TNFRSF1B: variants seen among roughly 807,000 people sequenced by gnomAD.
TNFRSF1B encodes tumor necrosis factor receptor superfamily member 1B.
In TNFRSF1B, 19 loss-of-function variants were observed where a neutral mutation model predicts 44.6. That is an observed-to-expected ratio of 0.43 (90% CI 0.30 to 0.62). The LOEUF is 0.62. Ranked by LOEUF, TNFRSF1B falls within the 20% of genes least tolerant of loss-of-function variation. TNFRSF1B has a pLI of 0.16. For missense variants in TNFRSF1B, 541 were observed against 619.9 expected (o/e 0.87, Z 1.35); for synonymous variants, 252 against 261.1 (o/e 0.97, Z 0.34).
rs771029074 is a variant in TNFRSF1B at position 12,194,575 on chromosome 1, T to G, written c.866-9T>G. Reference sequence around the variant, plus strand: ...TCAATCTCTTACTTGTCCCCTCTCCTCTTTATAGAGAAGCCCTTGTGCCTG... The same window carrying G: ...TCAATCTCTTACTTGTCCCCTCTCCGCTTTATAGAGAAGCCCTTGTGCCTG... On this transcript the variant is annotated splice_polypyrimidine_tract_variant and intron_variant, in intron 7 of 9. Transcript: ENST00000376259. The G allele has an allele frequency of 3.7e-6, 6 of 1,614,134 alleles. No homozygotes were observed. The highest frequency in any genetic ancestry group is 5.1e-6 in the Non-Finnish European group (6 of 1,179,984).
In TNFRSF1B at chr1:12,190,984, A is replaced by T. The variant is rs1639104575; in HGVS notation, c.206A>T (p.Lys69Met). 1 of 1,614,038 alleles carries T rather than the reference A, an allele frequency of 6.2e-7. No individual in the cohort carries two copies. Residue 69 changes from lysine (K) to methionine (M), a missense_variant, in exon 3 of 10, where the codon AAG becomes ATG. Physicochemically the swap from Lys to Met is moderately conservative, Grantham distance 95. Transcript: ENST00000376259. ...PGQHAKVFCTKTSDTVCDSCE... is the reference protein window; with the variant it reads ...PGQHAKVFCTMTSDTVCDSCE... ...CAACATGCAAAAGTCTTCTGTACCAAGACCTCGGACACCGTGTGTGACTCC... is the reference window on the plus strand; with the variant it reads ...CAACATGCAAAAGTCTTCTGTACCATGACCTCGGACACCGTGTGTGACTCC...
At chr1:12,181,373 G>A (rs1207902931) in intron 1 of TNFRSF1B, among the ~76,000 whole-genome samples, 1 of 152,132 alleles carries the variant, frequency 6.6e-6, no homozygotes, top group Non-Finnish European at 1.5e-5. Flanking sequence ...GCCCCCAGGA[G>A]TCTGGGAGAA....
rs113097991 is a variant in TNFRSF1B at position 12,177,794 on chromosome 1, CAA to C, written c.78+10640_78+10641del. Reference sequence around the variant, plus strand: ...GGGTGACAGGGTGAGATTCTGTCTCCAAAAAAAAAAAAAAAAGAAGAGCTGAC... The same window carrying C: ...GGGTGACAGGGTGAGATTCTGTCTCCAAAAAAAAAAAAAAGAAGAGCTGAC... On this transcript the variant is annotated intron_variant, in intron 1 of 9. Transcript: ENST00000376259. This position sits in a 1 kb window ranked among gnomAD's most constrained non-coding sequence, Gnocchi z 4.3. Among the ~76,000 whole-genome samples, 145 of 111,240 alleles carry C rather than the reference CAA, an allele frequency of 1.3e-3. No individual in the cohort carries two copies. Among genetic ancestry groups the C allele is most frequent in the Middle Eastern group, 4.3e-3 (1 of 234 alleles). 73.0% of individuals were successfully genotyped at this position (111,240 alleles called of 152,430 possible).
At chr1:12,200,055 C>T (rs1286254361) in intron 8 of TNFRSF1B, among the ~76,000 whole-genome samples, 3 of 152,254 alleles carry the variant, frequency 2.0e-5, no homozygotes, top group South Asian at 4.1e-4. Context: ...AGAGTTGAAA[C>T]CCCAGACACC....
intron 8 of TNFRSF1B, among the ~76,000 whole-genome samples, chr1:12,197,341 A>C (rs924518137): frequency 6.6e-6 from 1 of 151,940 alleles, no homozygotes; most frequent in African/African-American, 2.4e-5. Context: ...GCAGAAAAAA[A>C]CCCCCAAACC....
intron 4 of TNFRSF1B, 39 bp downstream of exon 4, chr1:12,191,962 G>A (rs761738546): frequency 1.3e-6 from 2 of 1,592,500 alleles, no homozygotes; most frequent in Non-Finnish European, 1.7e-6. Context: ...ACGCCCATGG[G>A]CCTCTCCTTT....
Position 12,208,441 on chromosome 1 carries a change from C to T in TNFRSF1B, c.*1421C>T, listed in dbSNP as rs1459896686. 7 of 152,882 alleles carry T rather than the reference C, an allele frequency of 4.6e-5. No homozygotes were observed. Among genetic ancestry groups the T allele is most frequent in the East Asian group, 1.9e-4 (1 of 5,190 alleles). The allele number at this position is 152,882 out of a possible 1,614,324, so 9.5% of individuals were successfully genotyped here. ...TTGTGTCTGCGTCTGTGTTGCGTGT[C>T]GTGGGTGTGTGTAGCCAAGGTCGGT... On this transcript the variant is annotated 3_prime_UTR_variant, in exon 10 of 10. Transcript: ENST00000376259.
chr1:12,192,278 G>C (rs956113871), intron 4 of TNFRSF1B, 153 bp from the exon 5 acceptor site: 20 of 187,594 alleles, frequency 1.1e-4, no homozygotes, highest in Admixed American at 2.1e-4. Flanking sequence ...ACAGGCATCT[G>C]TGTGTGTGTG....
chr1:12,174,808 C>A (rs541049306), intron 1 of TNFRSF1B, among the ~76,000 whole-genome samples: 50 of 152,354 alleles, frequency 3.3e-4, no homozygotes, highest in African/African-American at 1.1e-3. Flanking sequence ...TCGAGGGCTG[C>A]AGGCTGAATC....
At chr1:12,174,958 C>T (rs1638618393) in intron 1 of TNFRSF1B, among the ~76,000 whole-genome samples, 1 of 152,220 alleles carries the variant, frequency 6.6e-6, no homozygotes, top group Non-Finnish European at 1.5e-5. Context: ...GTTTGTTTTC[C>T]TTTGCTGTCC....
In TNFRSF1B at chr1:12,194,631, A is replaced by C. The variant is rs764162463; in HGVS notation, c.900+13A>C. ...AGAAGCCAAGGTGGTGAGTGTCTCCACTGCCCTCTCCCCCTCTTCCCCTGG... is the reference window on the plus strand; with the variant it reads ...AGAAGCCAAGGTGGTGAGTGTCTCCCCTGCCCTCTCCCCCTCTTCCCCTGG... On this transcript the variant is annotated intron_variant, in intron 8 of 9. Transcript: ENST00000376259. The C allele has an allele frequency of 3.1e-6, 5 of 1,613,936 alleles. No homozygotes were observed. The African/African-American group carries it at 6.7e-5, about 22-fold the overall frequency.
rs1257279687 is a variant in TNFRSF1B at position 12,168,082 on chromosome 1, G to T, written c.78+913G>T. ...CATTTTTTAGAGAAGGAAAACTGAG[G>T]CTCAGAGAACTTGTATTTCATGGAA... On this transcript the variant is annotated intron_variant, in intron 1 of 9. Transcript: ENST00000376259. The surrounding 1 kb of genome is among the most constrained non-coding windows in gnomAD (Gnocchi z 4.7). 2.0e-5 allele frequency among the ~76,000 whole-genome samples: 3 copies of T among 152,222 alleles called. No homozygotes were observed. The highest frequency in any genetic ancestry group is 2.0e-4 in the Admixed American group (3 of 15,282).
intron 1 of TNFRSF1B, among the ~76,000 whole-genome samples, chr1:12,184,403 C>T (rs1402996100): frequency 3.3e-5 from 5 of 152,024 alleles, no homozygotes; most frequent in Non-Finnish European, 7.4e-5. Flanking sequence ...TCAAGGGAGC[C>T]GACCCCCTCT....
chr1:12,193,401 C>T (rs997743704), intron 6 of TNFRSF1B, among the ~76,000 whole-genome samples: 6 of 152,202 alleles, frequency 3.9e-5, no homozygotes, highest in African/African-American at 1.4e-4. Flanking sequence ...CACAGCGAGA[C>T]TCCATCTCTA....
intron 1 of TNFRSF1B, among the ~76,000 whole-genome samples, chr1:12,176,898 A>G (rs1638668582): frequency 6.6e-6 from 1 of 152,178 alleles, no homozygotes; most frequent in Admixed American, 6.5e-5. Flanking sequence ...GGGTGGGAAC[A>G]TAGGAGGTGA....
At chr1:12,188,586 G>A (rs1033895525) in intron 1 of TNFRSF1B, among the ~76,000 whole-genome samples, 5 of 152,162 alleles carry the variant, frequency 3.3e-5, no homozygotes, top group African/African-American at 1.2e-4. Context: ...ACATGACTAG[G>A]GTACACTGAG....
intron 9 of TNFRSF1B, among the ~76,000 whole-genome samples, chr1:12,204,814 C>CAA (rs1557641704): frequency 0.02 from 3,014 of 150,228 alleles, 39 homozygotes; most frequent in Non-Finnish European, 0.03. Flanking sequence ...ACCACCACCA[C>CAA]CAACAAAAAA....
At chr1:12,206,439 G>T (rs566940727) in intron 9 of TNFRSF1B, among the ~76,000 whole-genome samples, 1 of 151,796 alleles carries the variant, frequency 6.6e-6, no homozygotes, top group Non-Finnish European at 1.5e-5. Flanking sequence ...GGGCTCAAGC[G>T]ATCCTACAAA....
In TNFRSF1B at chr1:12,206,784, A is replaced by G. The variant is rs759919319; in HGVS notation, c.1150A>G (p.Ile384Val). The G allele has an allele frequency of 1.9e-6, 3 of 1,611,210 alleles. No homozygotes were observed. The highest frequency in any genetic ancestry group is 1.7e-6 in the Non-Finnish European group (2 of 1,178,194). ...TGGGACCCAGGTCAATGTCACCTGC[A>G]TCGTGAACGTCTGTAGCAGCTCTGA... ...GHGTQVNVTC[I>V]VNVCSSSDHS... Residue 384 changes from isoleucine to valine, a missense_variant, in exon 10 of 10, where the codon ATC becomes GTC. Physicochemically the swap from Ile to Val is conservative, Grantham distance 29. Transcript: ENST00000376259.
Sources: allele counts gnomAD v4.1 joint callset (sites outside exome capture counted in the v4.1 genomes callset), GRCh38; gene constraint gnomAD v4.1.1; non-coding constraint Gnocchi (gnomAD v3.1); transcripts MANE v1.5; gene names NCBI Gene and HGNC (gene_info 2026-07-23, HGNC 2026-07-21).